PDE4D: variants seen among roughly 807,000 people sequenced by gnomAD.
PDE4D encodes the protein phosphodiesterase 4D, also known as 3',5'-cyclic-AMP phosphodiesterase 4D.
PDE4D carries 24 observed loss-of-function variants against 87.4 expected under a neutral mutation model. The ratio of observed to expected loss-of-function variants is 0.27; its 90% CI spans 0.20 to 0.39. The LOEUF (loss-of-function observed/expected upper bound fraction) is 0.39. PDE4D is among the 10% of genes least tolerant of loss of function. PDE4D has a pLI of 1.00. For synonymous variants in PDE4D, 384 were observed against 383.2 expected (o/e 1.00, Z -0.02); for missense variants, 714 against 1,041.0 (o/e 0.69, Z 4.32).
At chr5:59,172,920 A>C (rs1387600893) in intron 5 of PDE4D, 1 of 152,090 alleles carries the variant, frequency 6.6e-6, no homozygotes, top group Non-Finnish European at 1.5e-5. Context: ...ATATTATAGC[A>C]ATAATGATAA....
intron 1 of PDE4D, among the ~76,000 whole-genome samples, chr5:59,889,712 T>C (rs1750684369): frequency 6.6e-6 from 1 of 152,220 alleles, no homozygotes; most frequent in East Asian, 1.9e-4. Flanking sequence ...AGTTAAATAG[T>C]TGTCACATTT....
intron 1 of PDE4D, among the ~76,000 whole-genome samples, chr5:59,300,171 A>T (rs78376827): frequency 0.065 from 9,910 of 151,338 alleles, 364 homozygotes; most frequent in Middle Eastern, 0.12. Context: ...CATGCTTATT[A>T]AATGAATGAA....
chr5:58,977,631 T>C (rs942983579), intron 11 of PDE4D, among the ~76,000 whole-genome samples: 1 of 152,168 alleles, frequency 6.6e-6, no homozygotes, highest in Non-Finnish European at 1.5e-5. Context: ...TAACCTCTCC[T>C]CTAGAGTTGC....
chr5:59,213,395 A>G (rs1017070936), intron 2 of PDE4D, among the ~76,000 whole-genome samples: 6 of 152,076 alleles, frequency 3.9e-5, no homozygotes, highest in Non-Finnish European at 8.8e-5. Flanking sequence ...TGTCCTTCCT[A>G]AAGAATACAG....
intron 3 of PDE4D, among the ~76,000 whole-genome samples, chr5:59,974,885 C>G (rs995669129): frequency 5.3e-5 from 8 of 152,102 alleles, no homozygotes; most frequent in Middle Eastern, 3.2e-3. Context: ...AAACAGACTT[C>G]ACTTCATCCT....
chr5:60,155,231 T>C (rs543927357), intron 2 of PDE4D, among the ~76,000 whole-genome samples: 1 of 152,336 alleles, frequency 6.6e-6, no homozygotes, highest in African/African-American at 2.4e-5. Context: ...AGGGTTCTGG[T>C]TGCTCCACAT....
chr5:59,867,722 C>T (rs920098851), intron 1 of PDE4D, among the ~76,000 whole-genome samples: 1 of 152,126 alleles, frequency 6.6e-6, no homozygotes, highest in Admixed American at 6.5e-5. Context: ...ATGTCTCATC[C>T]AGATCATGGA....
At chr5:59,200,206 T>C (rs114160397) in intron 2 of PDE4D, among the ~76,000 whole-genome samples, 2,648 of 144,204 alleles carry the variant, frequency 0.018, 101 homozygotes, top group African/African-American at 0.059. Flanking sequence ...CGTGTATGTA[T>C]AGATACACGT....
intron 3 of PDE4D, among the ~76,000 whole-genome samples, chr5:59,970,539 T>C (rs1760607369): frequency 6.6e-6 from 1 of 152,094 alleles, no homozygotes; most frequent in Non-Finnish European, 1.5e-5. Flanking sequence ...CATCAAAAAG[T>C]GGTGAAGGAC....
chr5:59,624,391 C>T (rs1830666964), intron 1 of PDE4D, among the ~76,000 whole-genome samples: 1 of 152,146 alleles, frequency 6.6e-6, no homozygotes, highest in South Asian at 2.1e-4. Flanking sequence ...AAGATCTTCT[C>T]CCGAATTTGT....
At chr5:59,701,246 A>T (rs567252489) in intron 1 of PDE4D, among the ~76,000 whole-genome samples, 7 of 152,178 alleles carry the variant, frequency 4.6e-5, no homozygotes, top group African/African-American at 1.7e-4. Context: ...TTCACCCCAG[A>T]AAAGGTTAGG....
chr5:60,133,108 C>T (rs1779727895), intron 2 of PDE4D, among the ~76,000 whole-genome samples: 1 of 152,116 alleles, frequency 6.6e-6, no homozygotes, highest in South Asian at 2.1e-4. Context: ...TCTGGCTCTG[C>T]TATAAACTGT....
chr5:59,463,230 CAT>C (rs1483848930), intron 1 of PDE4D, among the ~76,000 whole-genome samples: 1 of 152,108 alleles, frequency 6.6e-6, no homozygotes, highest in Non-Finnish European at 1.5e-5. Context: ...CATATTGAAA[CAT>C]GACGTTTGTT....
At chr5:59,421,861 GA>G (rs34629419) in intron 1 of PDE4D, among the ~76,000 whole-genome samples, 3 of 151,798 alleles carry the variant, frequency 2.0e-5, no homozygotes, top group South Asian at 2.1e-4. Context: ...ACTCTCAGTT[GA>G]AAAAAAATGA....
At chr5:60,490,768 T>C (rs1355557301), upstream of PDE4D, 1 of 152,196 alleles carries the variant, frequency 6.6e-6, no homozygotes, top group Non-Finnish European at 1.5e-5. Flanking sequence ...GAAAAATTGC[T>C]CAGGAAACTG....
At chr5:59,620,996 T>C (rs780958639) in intron 1 of PDE4D, among the ~76,000 whole-genome samples, 5 of 152,150 alleles carry the variant, frequency 3.3e-5, no homozygotes, top group African/African-American at 4.8e-5. Context: ...AAATCTCCTA[T>C]ACTCTCATTT....
At chr5:60,229,395 T>C (rs984118232) in intron 1 of PDE4D, among the ~76,000 whole-genome samples, 1 of 152,188 alleles carries the variant, frequency 6.6e-6, no homozygotes, top group Non-Finnish European at 1.5e-5. Context: ...GCATTGTTTT[T>C]GTCAGTCACA....
chr5:59,484,503 C>T (rs1347678505), intron 1 of PDE4D, among the ~76,000 whole-genome samples: 1 of 152,104 alleles, frequency 6.6e-6, no homozygotes, highest in African/African-American at 2.4e-5. Flanking sequence ...GTTAAAGCCC[C>T]CACTGAAACA....
chr5:59,340,198 C>T (rs1000479658), intron 1 of PDE4D, among the ~76,000 whole-genome samples: 30 of 152,240 alleles, frequency 2.0e-4, no homozygotes, highest in African/African-American at 7.0e-4. Context: ...TCTCATTTAT[C>T]ACTTTAAATT....
Sources: allele counts gnomAD v4.1 joint callset (sites outside exome capture counted in the v4.1 genomes callset), GRCh38; gene constraint gnomAD v4.1.1; transcripts MANE v1.5; gene names NCBI Gene and HGNC (gene_info 2026-07-23, HGNC 2026-07-21).